ATF6B: variants seen among roughly 807,000 people sequenced by gnomAD.
The protein encoded by ATF6B is cyclic AMP-dependent transcription factor ATF-6 beta.
Under a neutral mutation model 83.5 loss-of-function variants are expected in ATF6B, and 50 were observed. The observed-to-expected ratio is 0.60, with a 90% CI of 0.48 to 0.76. ATF6B has a LOEUF of 0.76. ATF6B is among the 30% of genes least tolerant of loss of function. The pLI, the probability that ATF6B is intolerant of heterozygous loss-of-function variation, is 0.00. For missense variants in ATF6B, 790 were observed against 893.8 expected (o/e 0.88, Z 1.48); for synonymous variants, 344 against 362.8 (o/e 0.95, Z 0.59).
Position 32,128,012 on chromosome 6 carries a change from T to C in ATF6B, c.91+105A>G, listed in dbSNP as rs1019174861. 3.6e-6 allele frequency: 5 copies of C among 1,373,332 alleles called. No homozygotes were observed. The African/African-American group carries it at 4.3e-5, about 12-fold the overall frequency. 85.1% of individuals were successfully genotyped at this position (1,373,332 alleles called of 1,614,324 possible). On this transcript the variant is annotated intron_variant, in intron 1 of 17. Transcript: ENST00000375203. ...GCCCCCTGCTCCGCTCTCCTTCAGA[T>C]GGCGGATTCCGTATTTGCCCAGACT...
intron 5 of ATF6B, among the ~76,000 whole-genome samples, chr6:32,124,113 T>A (rs1002089668): frequency 2.6e-5 from 4 of 152,052 alleles, no homozygotes; most frequent in East Asian, 1.9e-4. Flanking sequence ...GGCAGGAGAA[T>A]CGCTTGAACC....
At position 32,118,926 on chromosome 6, in the gene ATF6B, G is replaced by A. The variant is rs781199767; in HGVS notation, c.1152+30C>T. The A allele has an allele frequency of 1.9e-6, 3 of 1,614,040 alleles. No homozygotes were observed. Among genetic ancestry groups the A allele is most frequent in the Admixed American group, 3.3e-5 (2 of 60,006 alleles). ...ATCATTCCAAGGAGGCTGTATTCCT[G>A]TTGGTCTCCCAGGGACAGACTGGTC... On this transcript the variant is annotated intron_variant, in intron 10 of 17. Coordinates refer to ENST00000375203, the MANE Select transcript of ATF6B (RefSeq NM_004381.5). This position sits in a 1 kb window ranked among gnomAD's most constrained non-coding sequence, Gnocchi z 5.2.
In ATF6B at chr6:32,117,862, A is replaced by G; in HGVS notation, c.1421T>C (p.Phe474Ser). Residue 474 changes from phenylalanine (F) to serine (S), a missense_variant, in exon 12 of 18, where the codon TTC becomes TCC. By Grantham distance (155) the Phe-to-Ser change is radical. Around this residue, in one of 3 missense-constraint regions of ATF6B, gnomAD observed 530 missense variants for 632.6 expected, o/e 0.84. Transcript: ENST00000375203. This position sits in a 1 kb window ranked among gnomAD's most constrained non-coding sequence, Gnocchi z 5.0. ...PQPSPTDQPS[F>S]SNLTAFPGGA... ...GGCCCTCTCTCTCTCTCCTCACCTG[A>G]AACTGGGCTGGTCTGTGGGGCTGGG... The G allele has an allele frequency of 6.4e-7, 1 of 1,563,760 alleles. No homozygotes were observed. The highest frequency in any genetic ancestry group is 8.6e-7 in the Non-Finnish European group (1 of 1,158,222).
intron 4 of ATF6B, among the ~76,000 whole-genome samples, 172 bp from the exon 5 acceptor site, chr6:32,126,424 T>A (rs569184500): frequency 6.6e-6 from 1 of 152,372 alleles, no homozygotes; most frequent in South Asian, 2.1e-4. Context: ...GTTCATTCTT[T>A]CTACTTTATT....
Position 32,119,472 on chromosome 6 carries a change from C to T in ATF6B, c.967-331G>A, listed in dbSNP as rs1054473197. Among the ~76,000 whole-genome samples, 2 of 152,192 alleles carry T rather than the reference C, an allele frequency of 1.3e-5. No homozygotes were observed. The highest frequency in any genetic ancestry group is 4.8e-5 in the African/African-American group (2 of 41,458). On this transcript the variant is annotated intron_variant, in intron 9 of 17. Coordinates refer to ENST00000375203, the MANE Select transcript of ATF6B (RefSeq NM_004381.5). This position sits in a 1 kb window ranked among gnomAD's most constrained non-coding sequence, Gnocchi z 4.9. ...GGGTTCAAAGTTTAACCTTGTTATA[C>T]TGCTTATACAGTTTACCTGATTTTC...
At position 32,128,157 on chromosome 6, in the gene ATF6B, G is replaced by C. The variant is rs1270602982; in HGVS notation, c.51C>G (p.Phe17Leu). 1 of 1,613,186 alleles carries C rather than the reference G, an allele frequency of 6.2e-7. No individual in the cohort carries two copies. The highest frequency in any genetic ancestry group is 8.5e-7 in the Non-Finnish European group (1 of 1,179,994). Reference sequence around the variant, plus strand: ...CCTCCGGGCTAAGCAGGTTGTCGGTGAAGAAACGCGTCGGGTCAGCAATCT... The same window carrying C: ...CCTCCGGGCTAAGCAGGTTGTCGGTCAAGAAACGCGTCGGGTCAGCAATCT... ...LSEIADPTRF[F>L]TDNLLSPEDW... is the part of the protein sequence containing the mutation. The change falls in exon 1 of 18, where the codon TTC becomes TTG. Residue 17 changes from phenylalanine (F) to leucine (L), a missense_variant. Physicochemically the swap from Phe to Leu is conservative, Grantham distance 22. Around this residue, in one of 3 missense-constraint regions of ATF6B, gnomAD observed 253 missense variants for 243.1 expected, o/e 1.04. Coordinates refer to ENST00000375203, the MANE Select transcript of ATF6B (RefSeq NM_004381.5).
chr6:32,126,968 G>C (rs1782005036), intron 4 of ATF6B, 135 bp downstream of exon 4: 1 of 622,258 alleles, frequency 1.6e-6, no homozygotes, highest in Non-Finnish European at 2.4e-6. Flanking sequence ...AGGTAGTGGA[G>C]AAGGCCCCCC....
chr6:32,122,114 G>A (rs1781789640), intron 5 of ATF6B, among the ~76,000 whole-genome samples: 2 of 151,894 alleles, frequency 1.3e-5, no homozygotes. Context: ...ATCTCCCCCT[G>A]GCTGCTCACC....
rs1782017248 is a variant in ATF6B at position 32,127,205 on chromosome 6, G to C, written c.251-11C>G. On this transcript the variant is annotated splice_polypyrimidine_tract_variant and intron_variant, in intron 3 of 17. Transcript: ENST00000375203. ...ACTTCACCTGAAGATCTGGAGGAAA[G>C]GGAGTTAGAAATTATCAGGAAGCAG... is the stretch of plus-strand genomic sequence containing the variant. 1 of 1,600,162 alleles carries C rather than the reference G, an allele frequency of 6.2e-7. No homozygotes were observed. The highest frequency in any genetic ancestry group is 1.7e-5 in the Admixed American group (1 of 57,858).
Position 32,127,126 on chromosome 6 carries a change from G to C in ATF6B, c.319C>G (p.Leu107Val). 1 of 1,609,166 alleles carries C rather than the reference G, an allele frequency of 6.2e-7. No individual in the cohort carries two copies. The highest frequency in any genetic ancestry group is 8.5e-7 in the Non-Finnish European group (1 of 1,178,190). ...SSSLSSESSRLSTEPSSEALG... is the reference protein window; with the variant it reads ...SSSLSSESSRVSTEPSSEALG... ...ACCTCGCTGGATGGCTCTGTGGAGA[G>C]ACGCGATGACTCGGAGCTGAGGGAG... The change falls in exon 4 of 18, where the codon CTC (leucine) becomes GTC (valine). Residue 107 changes from leucine to valine, a missense_variant. Leu to Val is a conservative substitution (Grantham distance 32). Transcript: ENST00000375203.
chr6:32,118,880 A>G lies in ATF6B; in HGVS notation c.1153-14T>C. 6.2e-7 allele frequency: 1 copy of G among 1,614,244 alleles called. No individual in the cohort carries two copies. The highest frequency in any genetic ancestry group is 8.5e-7 in the Non-Finnish European group (1 of 1,180,034). ...GAGCTCGCTGTTCTAAGGTACAAAG[A>G]AGGAGACAAGAAAAAGGGGAATCAT... On this transcript the variant is annotated splice_polypyrimidine_tract_variant and intron_variant, in intron 10 of 17. Transcript: ENST00000375203. This position sits in a 1 kb window ranked among gnomAD's most constrained non-coding sequence, Gnocchi z 5.2.
At position 32,115,507 on chromosome 6, in the gene ATF6B, C is replaced by A. The variant is rs1161284934; in HGVS notation, c.*232G>T. The A allele has an allele frequency of 2.3e-6, 1 of 439,720 alleles. No homozygotes were observed. The highest frequency in any genetic ancestry group is 4.0e-6 in the Non-Finnish European group (1 of 251,204). 27.2% of individuals were successfully genotyped at this position (439,720 alleles called of 1,614,324 possible). A position where few individuals can be genotyped will look rare whatever the true frequency, so the allele number is the denominator to read the frequency against. ...CCACAACTGAACCTCACACAATCCC[C>A]TCAAACAAAGAAGCCAGGACTGGGG... is the stretch of plus-strand genomic sequence containing the variant. On this transcript the variant is annotated 3_prime_UTR_variant, in exon 18 of 18. Transcript: ENST00000375203.
intron 3 of ATF6B, 78 bp downstream of exon 3, chr6:32,127,364 G>A: frequency 3.3e-6 from 5 of 1,497,546 alleles, no homozygotes; most frequent in Admixed American, 2.0e-5. Context: ...GAGGATATAG[G>A]AAGCTACGTA....
In ATF6B at chr6:32,116,738, C is replaced by T. The variant is rs774702849; in HGVS notation, c.1763G>A (p.Arg588Gln). 77 of 1,613,940 alleles carry T rather than the reference C, an allele frequency of 4.8e-5. No homozygotes were observed. The highest frequency in any genetic ancestry group is 1.2e-4 in the Admixed American group (7 of 59,988). Reference protein sequence around the residue: ...QPAFLDAIDRREDTFYVVSFR... With the variant: ...QPAFLDAIDRQEDTFYVVSFR... ...AGAGACAACATAAAATGTGTCTTCC[C>T]GTCGGTCAATTGCATCCAAGAATGC... The change falls in exon 16 of 18, where the codon CGG becomes CAG. Residue 588 changes from arginine (R) to glutamine (Q), a missense_variant. Arg to Gln is a conservative substitution (Grantham distance 43, BLOSUM62 1). Around this residue, in one of 3 missense-constraint regions of ATF6B, gnomAD observed 530 missense variants for 632.6 expected, o/e 0.84. Transcript: ENST00000375203. The surrounding 1 kb of genome is among the most constrained non-coding windows in gnomAD (Gnocchi z 5.1).
chr6:32,116,994 G>C lies in ATF6B; in HGVS notation c.1685+43C>G. The C allele has an allele frequency of 1.9e-6, 3 of 1,597,394 alleles. No individual in the cohort carries two copies. Among genetic ancestry groups the C allele is most frequent in the Non-Finnish European group, 2.6e-6 (3 of 1,165,606 alleles). ...GCTACTGGGGGTACAGCTCTTGAAAGTGGAATTTCACTTAATAAGTAAGCA... is the reference window on the plus strand; with the variant it reads ...GCTACTGGGGGTACAGCTCTTGAAACTGGAATTTCACTTAATAAGTAAGCA... On this transcript the variant is annotated intron_variant, in intron 15 of 17. Coordinates refer to ENST00000375203, the MANE Select transcript of ATF6B (RefSeq NM_004381.5). The surrounding 1 kb of genome is among the most constrained non-coding windows in gnomAD (Gnocchi z 5.1).
At chr6:32,120,606 A>G (rs1457487277) in intron 8 of ATF6B, 165 bp downstream of exon 8, 1 of 776,306 alleles carries the variant, frequency 1.3e-6, no homozygotes, top group Non-Finnish European at 1.9e-6. Flanking sequence ...GCCTGCCACC[A>G]CTCCACGCTA....
At chr6:32,124,599 C>A (rs1781891756) in intron 5 of ATF6B, among the ~76,000 whole-genome samples, 1 of 152,194 alleles carries the variant, frequency 6.6e-6, no homozygotes, top group Non-Finnish European at 1.5e-5. Context: ...AAGCTAAGAG[C>A]CCCTTAGCAG....
chr6:32,124,430 T>C (rs1269851), intron 5 of ATF6B, among the ~76,000 whole-genome samples: 7,902 of 152,330 alleles, frequency 0.052, 288 homozygotes, highest in African/African-American at 0.099. Context: ...GACATCCGAA[T>C]ATCTTACTTG....
In ATF6B at chr6:32,116,945, G is replaced by C. The variant is rs1187304157; in HGVS notation, c.1685+92C>G. 6.5e-7 allele frequency: 1 copy of C among 1,535,212 alleles called. No individual in the cohort carries two copies. The highest frequency in any genetic ancestry group is 9.0e-7 in the Non-Finnish European group (1 of 1,111,250). ...AGGAGGGAGGTATAATCCCACTGGT[G>C]ACAGTAATGACAGGCACAGGACAGC... On this transcript the variant is annotated intron_variant, in intron 15 of 17. Transcript: ENST00000375203. This position sits in a 1 kb window ranked among gnomAD's most constrained non-coding sequence, Gnocchi z 5.1.
Sources: gnomAD v4.1 joint callset for allele counts (sites outside exome capture counted in the v4.1 genomes callset) on GRCh38, gnomAD v4.1.1 for gene constraint, gnomAD v4.1.1 regional missense constraint, Gnocchi (gnomAD v3.1) non-coding constraint, MANE v1.5 for transcripts, NCBI Gene and HGNC (gene_info 2026-07-23, HGNC 2026-07-21) for gene names.